DNAJC10: variants seen among roughly 807,000 people sequenced by gnomAD.
DNAJC10 encodes the protein endoplasmic reticulum disulfide reductase DNAJC10.
In DNAJC10, 101 loss-of-function variants were observed where a neutral mutation model predicts 115.0. That is an observed-to-expected ratio of 0.88 (90% CI 0.75 to 1.04). DNAJC10 has a LOEUF of 1.04. Ranked by LOEUF, DNAJC10 falls within the 50% of genes least tolerant of loss-of-function variation. The pLI is 0.00. For synonymous variants in DNAJC10, 307 were observed against 301.5 expected (o/e 1.02, Z -0.19); for missense variants, 981 against 928.8 (o/e 1.06, Z -0.73).
At chr2:182,751,853 T>G in intron 15 of DNAJC10, 68 bp downstream of exon 15, 1 of 1,563,690 alleles carries the variant, frequency 6.4e-7, no homozygotes, top group Non-Finnish European at 8.7e-7. Flanking sequence ...AAAAGACATT[T>G]TCTAGATAAC....
At chr2:182,747,240 T>G (rs1349711156) in intron 14 of DNAJC10, among the ~76,000 whole-genome samples, 1 of 151,408 alleles carries the variant, frequency 6.6e-6, no homozygotes, top group African/African-American at 2.4e-5. Flanking sequence ...ATATGAACTT[T>G]AAAGTAGTTT....
intron 14 of DNAJC10, among the ~76,000 whole-genome samples, chr2:182,746,738 G>C (rs1334575408): frequency 6.6e-6 from 1 of 152,038 alleles, no homozygotes; most frequent in African/African-American, 2.4e-5. Flanking sequence ...AGTTTAATTA[G>C]ATCCCATTTG....
chr2:182,734,784 A>T (rs1693544986), intron 10 of DNAJC10, among the ~76,000 whole-genome samples: 1 of 151,690 alleles, frequency 6.6e-6, no homozygotes, highest in East Asian at 1.9e-4. Flanking sequence ...TTTCTTGGTG[A>T]TTTGAATCTC....
At position 182,752,164 on chromosome 2, in the gene DNAJC10, A is replaced by T. The variant is rs747493044; in HGVS notation, c.1527A>T (p.Thr509=). 6 of 1,584,288 alleles carry T rather than the reference A, an allele frequency of 3.8e-6. No homozygotes were observed. In the South Asian group the frequency reaches 7.1e-5, roughly 19 times the overall value. ...GQLKFGTLDC[T]VHEGLCNMYN... Reference sequence around the variant, plus strand: ...TTAAGTTTGGTACACTAGATTGTACAGTTCATGAGGGACTCTGTAACATGG... The same window carrying T: ...TTAAGTTTGGTACACTAGATTGTACTGTTCATGAGGGACTCTGTAACATGG... Residue 509 remains threonine, a synonymous_variant, in exon 16 of 24, where the codon ACA becomes ACT. Coordinates refer to ENST00000264065, the MANE Select transcript of DNAJC10 (RefSeq NM_018981.4).
chr2:182,783,958 T>C lies in DNAJC10; in HGVS notation c.*6826T>C, dbSNP rs952282355. The C allele has an allele frequency of 3.3e-5, 5 of 152,230 alleles. No homozygotes were observed. The highest frequency in any genetic ancestry group is 7.3e-5 in the Non-Finnish European group (5 of 68,036). The allele number at this position is 152,230 out of a possible 1,614,324, so 9.4% of individuals were successfully genotyped here. The stretch of plus-strand genomic sequence containing the variant: ...TTAATTAACTAATATAAATTAATCC[T>C]ATCAAGTTAATTTGTAATAAATTCA... On this transcript the variant is annotated 3_prime_UTR_variant, in exon 24 of 24. Coordinates refer to ENST00000264065, the MANE Select transcript of DNAJC10 (RefSeq NM_018981.4).
chr2:182,732,046 A>G (rs1174036295), intron 9 of DNAJC10, among the ~76,000 whole-genome samples: 1 of 152,064 alleles, frequency 6.6e-6, no homozygotes, highest in Non-Finnish European at 1.5e-5. Context: ...ATTGTATTCT[A>G]GTGTTCATAT....
Position 182,785,115 on chromosome 2 carries a change from A to G in DNAJC10, c.*7983A>G, listed in dbSNP as rs1306614908. ...TAAATAGGACAGATACTCAAAGTGT[A>G]TGAATGGTATGACAATAAATTTAGA... On this transcript the variant is annotated 3_prime_UTR_variant, in exon 24 of 24. Transcript: ENST00000264065. 1.3e-5 allele frequency: 2 copies of G among 152,218 alleles called. No individual in the cohort carries two copies. The highest frequency in any genetic ancestry group is 2.9e-5 in the Non-Finnish European group (2 of 68,030). 9.4% of individuals were successfully genotyped at this position (152,218 alleles called of 1,614,324 possible).
intron 22 of DNAJC10, among the ~76,000 whole-genome samples, chr2:182,765,948 T>A (rs774858979): frequency 4.6e-5 from 7 of 152,220 alleles, no homozygotes; most frequent in Non-Finnish European, 8.8e-5. Context: ...GTTTTTTTTC[T>A]GGTCTGGGGG....
At position 182,716,480 on chromosome 2, in the gene DNAJC10, C is replaced by G. The variant is rs1692994442; in HGVS notation, c.-207C>G. ...GCTACAGGAAGCGACCCCGCGATGGCAAGGTGGGCATGGGCCCGGGGCTAG... is the reference window on the plus strand; with the variant it reads ...GCTACAGGAAGCGACCCCGCGATGGGAAGGTGGGCATGGGCCCGGGGCTAG... On this transcript the variant is annotated 5_prime_UTR_variant, in exon 1 of 24. Transcript: ENST00000264065. The G allele has an allele frequency of 6.6e-6, 1 of 152,498 alleles. No individual in the cohort carries two copies. Among genetic ancestry groups the G allele is most frequent in the African/African-American group, 2.4e-5 (1 of 41,456 alleles). The allele number at this position is 152,498 out of a possible 1,614,324, so 9.4% of individuals were successfully genotyped here.
At chr2:182,747,416 G>A (rs1301905642) in intron 14 of DNAJC10, among the ~76,000 whole-genome samples, 1 of 150,126 alleles carries the variant, frequency 6.7e-6, no homozygotes, top group Non-Finnish European at 1.5e-5. Flanking sequence ...TTGAGCAGTG[G>A]TTTGTAGTTC....
Position 182,752,104 on chromosome 2 carries a change from G to A in DNAJC10, c.1467G>A (p.Glu489=). 1 of 1,613,708 alleles carries A rather than the reference G, an allele frequency of 6.2e-7. No individual in the cohort carries two copies. Among genetic ancestry groups the A allele is most frequent in the South Asian group, 1.1e-5 (1 of 91,038 alleles). The change falls in exon 16 of 24, where the codon GAG becomes GAA. Residue 489 remains glutamate (E), a synonymous_variant. Coordinates refer to ENST00000264065, the MANE Select transcript of DNAJC10 (RefSeq NM_018981.4). The stretch of plus-strand genomic sequence containing the variant: ...CACCATGTCGAGCTTTACTACCAGA[G>A]TTACGAAGAGCATCAAATCTTCTTT... The part of the protein sequence containing the change: ...WCPPCRALLP[E]LRRASNLLYG...
intron 3 of DNAJC10, among the ~76,000 whole-genome samples, chr2:182,719,792 TTCTTAC>T (rs1215114829): frequency 3.9e-4 from 53 of 135,976 alleles, no homozygotes; most frequent in African/African-American, 1.3e-3. Flanking sequence ...TTCATTACTT[TTCTTAC>T]TTTTTTTTTT....
chr2:182,740,089 C>A, intron 11 of DNAJC10: 1 of 1,059,756 alleles, frequency 9.4e-7, no homozygotes, highest in Non-Finnish European at 1.2e-6. Context: ...TTGTATATCA[C>A]TATTTAAGAA....
chr2:182,767,781 A>G (rs1302766130), intron 22 of DNAJC10, among the ~76,000 whole-genome samples: 1 of 152,060 alleles, frequency 6.6e-6, no homozygotes, highest in Non-Finnish European at 1.5e-5. Context: ...GGCTTTTTTG[A>G]GGTCTGGTCA....
At position 182,778,816 on chromosome 2, in the gene DNAJC10, C is replaced by G. The variant is rs1405149671; in HGVS notation, c.*1684C>G. 1 of 152,138 alleles carries G rather than the reference C, an allele frequency of 6.6e-6. No individual in the cohort carries two copies. Among genetic ancestry groups the G allele is most frequent in the African/African-American group, 2.4e-5 (1 of 41,424 alleles). The allele number at this position is 152,138 out of a possible 1,614,324, so 9.4% of individuals were successfully genotyped here. A position where few individuals can be genotyped will look rare whatever the true frequency, so the allele number is the denominator to read the frequency against. ...CTCGAATGTTTAAAGCCTAGGAGTT[C>G]TACAAAATTGGCTTCTTTCTACAAG... On this transcript the variant is annotated 3_prime_UTR_variant, in exon 24 of 24. Transcript: ENST00000264065.
At position 182,778,150 on chromosome 2, in the gene DNAJC10, CGT is replaced by C. The variant is rs1289592824; in HGVS notation, c.*1019_*1020del. On this transcript the variant is annotated 3_prime_UTR_variant, in exon 24 of 24. Coordinates refer to ENST00000264065, the MANE Select transcript of DNAJC10 (RefSeq NM_018981.4). ...CTTTATTTACATTGGGTTTTTCTTT[CGT>C]AGTTTTGGTTTTTCACTCCTGTCCA... The C allele has an allele frequency of 1.3e-5, 2 of 151,932 alleles. No homozygotes were observed. Among genetic ancestry groups the C allele is most frequent in the Non-Finnish European group, 1.5e-5 (1 of 67,978 alleles). The allele number at this position is 151,932 out of a possible 1,614,324, so 9.4% of individuals were successfully genotyped here. A position where few individuals can be genotyped will look rare whatever the true frequency, so the allele number is the denominator to read the frequency against.
At chr2:182,721,229 T>C (rs1300579636) in intron 4 of DNAJC10, among the ~76,000 whole-genome samples, 4 of 152,162 alleles carry the variant, frequency 2.6e-5, no homozygotes, top group Non-Finnish European at 5.9e-5. Context: ...TTAGTAAATA[T>C]GATTTTTTTT....
intron 16 of DNAJC10, chr2:182,752,561 A>C (rs542198139): frequency 1.9e-5 from 18 of 933,726 alleles, no homozygotes; most frequent in Middle Eastern, 1.1e-3. Flanking sequence ...TATTTGCTGG[A>C]AAGAAGTTAA....
intron 1 of DNAJC10, among the ~76,000 whole-genome samples, chr2:182,716,738 A>C (rs576684088): frequency 6.6e-6 from 1 of 152,258 alleles, no homozygotes; most frequent in Admixed American, 6.5e-5. Context: ...AGCAACACTT[A>C]ACAGCCCTGT....
Sources: allele counts gnomAD v4.1 joint callset (sites outside exome capture counted in the v4.1 genomes callset), GRCh38; gene constraint gnomAD v4.1.1; transcripts MANE v1.5; gene names NCBI Gene and HGNC (gene_info 2026-07-23, HGNC 2026-07-21).